Variants in CSMD1 observed in about 807,000 individuals in gnomAD.
CSMD1 encodes the protein CUB and Sushi multiple domains 1.
A neutral mutation model predicts 417.5 loss-of-function variants in CSMD1; 213 were observed. The observed-to-expected ratio is 0.51, with a 90% CI of 0.46 to 0.57. The LOEUF (loss-of-function observed/expected upper bound fraction) is 0.57, where lower values mean the gene tolerates loss of function less well. Ranked by LOEUF, CSMD1 falls within the 20% of genes least tolerant of loss-of-function variation. The pLI, the probability that CSMD1 is intolerant of heterozygous loss-of-function variation, is 0.00. For synonymous variants in CSMD1, 2,862 were observed against 1,736.8 expected (o/e 1.65, Z -16.11); for missense variants, 6,923 against 4,529.7 (o/e 1.53, Z -15.17).
intron 7 of CSMD1, among the ~76,000 whole-genome samples, chr8:3,635,433 G>A (rs913490438): frequency 4.0e-5 from 6 of 151,454 alleles, no homozygotes; most frequent in Non-Finnish European, 7.4e-5. Flanking sequence ...GCAGTGAGCC[G>A]AGAGTGCACC....
chr8:4,179,896 T>G (rs924318711), intron 3 of CSMD1, among the ~76,000 whole-genome samples: 1 of 152,122 alleles, frequency 6.6e-6, no homozygotes. Context: ...TCACACCAGT[T>G]AGAATGGCGA....
intron 3 of CSMD1, among the ~76,000 whole-genome samples, chr8:4,120,939 A>G (rs1038972988): frequency 6.6e-6 from 1 of 152,230 alleles, no homozygotes; most frequent in Non-Finnish European, 1.5e-5. Context: ...GAAAATGTGT[A>G]TAATAAGAAT....
At chr8:4,471,733 G>A (rs569384920) in intron 2 of CSMD1, among the ~76,000 whole-genome samples, 1 of 117,546 alleles carries the variant, frequency 8.5e-6, no homozygotes, top group South Asian at 2.7e-4. Flanking sequence ...GCAAACACGC[G>A]GAGAAAAGAA....
At chr8:4,713,050 G>C (rs999472918) in intron 1 of CSMD1, among the ~76,000 whole-genome samples, 4 of 152,322 alleles carry the variant, frequency 2.6e-5, no homozygotes, top group South Asian at 2.1e-4. Flanking sequence ...TACTGGGAAA[G>C]GTCTTCTGCC....
intron 2 of CSMD1, among the ~76,000 whole-genome samples, chr8:4,423,452 T>C (rs988740184): frequency 1.3e-5 from 2 of 151,908 alleles, no homozygotes; most frequent in African/African-American, 2.4e-5. Context: ...AATACATCAA[T>C]CACAACAGCT....
intron 1 of CSMD1, among the ~76,000 whole-genome samples, chr8:4,643,583 T>TA (rs1803338917): frequency 6.6e-6 from 1 of 152,070 alleles, no homozygotes; most frequent in South Asian, 2.1e-4. Context: ...TGAATTTTTT[T>TA]ATTTAAGAGC....
intron 12 of CSMD1, among the ~76,000 whole-genome samples, chr8:3,442,218 A>G (rs541120591): frequency 1.3e-5 from 2 of 152,316 alleles, no homozygotes; most frequent in South Asian, 4.1e-4. Flanking sequence ...TTTATAAAGT[A>G]AAAAAGTTAC....
intron 1 of CSMD1, among the ~76,000 whole-genome samples, chr8:4,670,273 T>A (rs944600415): frequency 1.3e-5 from 2 of 152,194 alleles, no homozygotes; most frequent in Non-Finnish European, 2.9e-5. Flanking sequence ...TCCTGGAAGC[T>A]CTCATTTGCC....
At chr8:3,539,013 C>G (rs531375343) in intron 10 of CSMD1, among the ~76,000 whole-genome samples, 2 of 152,304 alleles carry the variant, frequency 1.3e-5, no homozygotes, top group East Asian at 3.9e-4. Flanking sequence ...AAAATAAAAT[C>G]CAAACACATT....
intron 2 of CSMD1, among the ~76,000 whole-genome samples, chr8:4,622,856 A>G (rs1319171465): frequency 1.3e-5 from 2 of 152,170 alleles, no homozygotes; most frequent in Non-Finnish European, 2.9e-5. Context: ...TTGCCTCCAT[A>G]AAAATTTCTC....
At chr8:4,742,377 G>A (rs535353321) in intron 1 of CSMD1, among the ~76,000 whole-genome samples, 2 of 151,912 alleles carry the variant, frequency 1.3e-5, no homozygotes, top group African/African-American at 2.4e-5. Context: ...ACTGTATCAT[G>A]AGAAATTTAA....
At chr8:4,269,188 C>T (rs1416089838) in intron 3 of CSMD1, among the ~76,000 whole-genome samples, 1 of 152,090 alleles carries the variant, frequency 6.6e-6, no homozygotes, top group South Asian at 2.1e-4. Flanking sequence ...CTCCTAGTAG[C>T]TGGGACTACA....
intron 3 of CSMD1, among the ~76,000 whole-genome samples, chr8:4,223,917 C>T (rs539289654): frequency 4.6e-5 from 7 of 152,290 alleles, no homozygotes; most frequent in South Asian, 4.1e-4. Flanking sequence ...CTCTTCCAGA[C>T]GGTTAATAAC....
At chr8:4,744,879 A>T (rs1429781721) in intron 1 of CSMD1, among the ~76,000 whole-genome samples, 3 of 152,148 alleles carry the variant, frequency 2.0e-5, no homozygotes, top group Non-Finnish European at 4.4e-5. Flanking sequence ...GTTGAACTGA[A>T]TTTTTTCACC....
At chr8:4,134,431 G>A (rs965293130) in intron 3 of CSMD1, among the ~76,000 whole-genome samples, 3 of 152,134 alleles carry the variant, frequency 2.0e-5, no homozygotes, top group Admixed American at 6.6e-5. Flanking sequence ...GGAGAAGACA[G>A]GTGTCTACAA....
At chr8:4,019,583 C>T (rs1462508984) in intron 4 of CSMD1, among the ~76,000 whole-genome samples, 1 of 152,152 alleles carries the variant, frequency 6.6e-6, no homozygotes, top group Non-Finnish European at 1.5e-5. Context: ...TTACGGTCTG[C>T]TCTTGCTGGC....
chr8:3,894,265 A>C (rs1440370470), intron 5 of CSMD1, among the ~76,000 whole-genome samples: 1 of 152,030 alleles, frequency 6.6e-6, no homozygotes, highest in Non-Finnish European at 1.5e-5. Flanking sequence ...CCATCTCCAC[A>C]CTGTAATCTA....
intron 1 of CSMD1, among the ~76,000 whole-genome samples, chr8:4,944,486 G>C (rs545325963): frequency 2.0e-5 from 3 of 152,296 alleles, no homozygotes; most frequent in East Asian, 3.9e-4. Context: ...ACACCAAACA[G>C]ATCTTGGGAA....
intron 1 of CSMD1, among the ~76,000 whole-genome samples, chr8:4,679,933 A>C (rs1298684679): frequency 5.9e-5 from 9 of 152,186 alleles, no homozygotes; most frequent in Non-Finnish European, 1.3e-4. Context: ...AATTAATTGC[A>C]AGTTTTTATT....
Sources: gnomAD v4.1 joint callset for allele counts (sites outside exome capture counted in the v4.1 genomes callset) on GRCh38, gnomAD v4.1.1 for gene constraint, MANE v1.5 for transcripts, NCBI Gene and HGNC (gene_info 2026-07-23, HGNC 2026-07-21) for gene names.